CHEK2: variants seen among roughly 807,000 people sequenced by gnomAD.
CHEK2 encodes the protein serine/threonine-protein kinase Chk2.
Under a neutral mutation model 69.1 loss-of-function variants are expected in CHEK2, and 71 were observed. The observed-to-expected ratio is 1.03, with a 90% CI of 0.85 to 1.25. CHEK2 has a LOEUF of 1.25. Among genes scored for constraint, CHEK2 ranks in the 50% most tolerant of loss-of-function variants. The pLI is 0.00. For missense variants in CHEK2, 664 were observed against 649.6 expected, an observed-to-expected ratio of 1.02 and a Z score of -0.24; for synonymous variants, 189 against 226.9, an observed-to-expected ratio of 0.83 and a Z score of 1.50.
At chr22:28,737,195 T>A (rs1245365281) in intron 1 of CHEK2, 2 of 447,436 alleles carry the variant, frequency 4.5e-6, no homozygotes, top group Non-Finnish European at 9.0e-6. Flanking sequence ...CAGAACCCTA[T>A]ATAAATTATG....
At chr22:28,736,406 A>G (rs541983419) in intron 1 of CHEK2, among the ~76,000 whole-genome samples, 18 of 152,274 alleles carry the variant, frequency 1.2e-4, no homozygotes, top group African/African-American at 4.3e-4. Flanking sequence ...TGTTCGTTCA[A>G]TCTATATTCC....
chr22:28,715,854 TTTC>T (rs2053568512), intron 5 of CHEK2, among the ~76,000 whole-genome samples: 3 of 151,934 alleles, frequency 2.0e-5, no homozygotes, highest in South Asian at 2.1e-4. Flanking sequence ...ATTCCATACA[TTTC>T]TTCTTCTTTT....
intron 13 of CHEK2, among the ~76,000 whole-genome samples, chr22:28,693,302 A>G (rs1173672882): frequency 6.6e-6 from 1 of 152,172 alleles, no homozygotes; most frequent in African/African-American, 2.4e-5. Flanking sequence ...CCCTAGCAGG[A>G]GCACAGCGGT....
intron 4 of CHEK2, among the ~76,000 whole-genome samples, chr22:28,722,560 GAAAAGA>G (rs2053836927): frequency 7.7e-6 from 1 of 129,084 alleles, no homozygotes; most frequent in African/African-American, 3.0e-5. Flanking sequence ...AAAAAAAAAA[GAAAAGA>G]AAAGAAAAGA....
chr22:28,691,261 C>T (rs1339739898), intron 13 of CHEK2, among the ~76,000 whole-genome samples: 1 of 152,144 alleles, frequency 6.6e-6, no homozygotes, highest in Non-Finnish European at 1.5e-5. Context: ...GGGTAGATAA[C>T]CTGAGGTCAG....
At chr22:28,737,293 T>A (rs755824295) in intron 1 of CHEK2, 2 of 478,460 alleles carry the variant, frequency 4.2e-6, no homozygotes. Context: ...TACAAATTTT[T>A]TTATTTCCAT....
intron 5 of CHEK2, 90 bp from the exon 6 acceptor site, chr22:28,712,107 C>G: frequency 2.2e-6 from 2 of 913,236 alleles, no homozygotes; most frequent in Non-Finnish European, 3.6e-6. Flanking sequence ...TTAGAATTTA[C>G]AGACATTCCA....
At position 28,725,956 on chromosome 22, in the gene CHEK2, G is replaced by C. The variant is rs558771993; in HGVS notation, c.320-589C>G. 1.3e-4 allele frequency among the ~76,000 whole-genome samples: 19 copies of C among 149,420 alleles called. No individual in the cohort carries two copies. In the East Asian group the frequency reaches 3.7e-3, roughly 29 times the overall value. ...GTGGTGGCTCATGCCTGTAATCCCA[G>C]CACTTTGGGAGGCTGAGACGAATGG... On this transcript the variant is annotated intron_variant, in intron 2 of 14. Coordinates refer to ENST00000404276, the MANE Select transcript of CHEK2 (RefSeq NM_007194.4).
At chr22:28,699,662 A>T in intron 9 of CHEK2, 176 bp downstream of exon 9, 1 of 640,628 alleles carries the variant, frequency 1.6e-6, no homozygotes, top group Non-Finnish European at 2.8e-6. Flanking sequence ...GCGCCTCGCC[A>T]GTGAGAGCTT....
At chr22:28,697,140 A>G (rs1444140501) in intron 9 of CHEK2, among the ~76,000 whole-genome samples, 153 bp from the exon 10 acceptor site, 4 of 152,204 alleles carry the variant, frequency 2.6e-5, no homozygotes, top group Non-Finnish European at 4.4e-5. Flanking sequence ...CTGTTGGGGT[A>G]AAGTTTACAA....
intron 9 of CHEK2, among the ~76,000 whole-genome samples, chr22:28,698,770 G>A (rs16986587): frequency 0.011 from 1,713 of 152,122 alleles, 24 homozygotes; most frequent in African/African-American, 0.036. Flanking sequence ...ATTCCCTGCC[G>A]GCCCGCCCAC....
Position 28,687,811 on chromosome 22 carries a change from T to C in CHEK2, c.*86A>G, listed in dbSNP as rs1171078673. 18 of 1,081,952 alleles carry C rather than the reference T, an allele frequency of 1.7e-5. No individual in the cohort carries two copies. Among genetic ancestry groups the C allele is most frequent in the Admixed American group, 3.8e-5 (2 of 52,196 alleles). The allele number at this position is 1,081,952 out of a possible 1,614,324, so 67.0% of individuals were successfully genotyped here. A position where few individuals can be genotyped will look rare whatever the true frequency, so the allele number is the denominator to read the frequency against. On this transcript the variant is annotated 3_prime_UTR_variant, in exon 15 of 15. Coordinates refer to ENST00000404276, the MANE Select transcript of CHEK2 (RefSeq NM_007194.4). ...AAAGCAATTATTCCCATAATTAAAA[T>C]ACAAACTATAAAAAAACAGACTCAA...
rs185648867 is a variant in CHEK2, at chr22:28,738,295, G to A, written c.-7+3474C>T. Reference sequence around the variant, plus strand: ...CCAAAACTGAGTATGCCACACCAGGGACTGCTGGTCTAATACTACCTGAGC... The same window carrying A: ...CCAAAACTGAGTATGCCACACCAGGAACTGCTGGTCTAATACTACCTGAGC... On this transcript the variant is annotated intron_variant, in intron 1 of 14. Coordinates refer to ENST00000404276, the MANE Select transcript of CHEK2 (RefSeq NM_007194.4). Among the ~76,000 whole-genome samples the A allele has an allele frequency of 8.4e-4, 128 of 152,248 alleles. 1 individual carries two copies. The highest frequency in any genetic ancestry group is 2.8e-3 in the African/African-American group (116 of 41,532).
At chr22:28,740,155 C>T (rs1362887015) in intron 1 of CHEK2, among the ~76,000 whole-genome samples, 1 of 152,158 alleles carries the variant, frequency 6.6e-6, no homozygotes, top group Non-Finnish European at 1.5e-5. Context: ...GAGCCGAGAT[C>T]GCACCACTGC....
At position 28,725,041 on chromosome 22, in the gene CHEK2, C is replaced by G. The variant is rs587780889; in HGVS notation, c.528G>C (p.Gly176=). The change falls in exon 4 of 15, where the codon GGG becomes GGC. Residue 176 remains glycine, a synonymous_variant. Coordinates refer to ENST00000404276, the MANE Select transcript of CHEK2 (RefSeq NM_007194.4). ...TATTCAAAGGACGGCGTTTTCCTTT[C>G]CCTACAAGCTCTGTATTTACAAAGG... ...NGTFVNTELV[G]KGKRRPLNNN... 15 of 1,613,992 alleles carry G rather than the reference C, an allele frequency of 9.3e-6. No individual in the cohort carries two copies. The highest frequency in any genetic ancestry group is 1.3e-5 in the Non-Finnish European group (15 of 1,180,010).
At chr22:28,712,167 C>A in intron 5 of CHEK2, 150 bp from the exon 6 acceptor site, 1 of 673,426 alleles carries the variant, frequency 1.5e-6, no homozygotes. Flanking sequence ...AGTGAAACTT[C>A]ACCAGTGTAA....
chr22:28,734,011 T>C lies in CHEK2; in HGVS notation c.319+392A>G, dbSNP rs5762762. On this transcript the variant is annotated intron_variant, in intron 2 of 14. Coordinates refer to ENST00000404276, the MANE Select transcript of CHEK2 (RefSeq NM_007194.4). ...TGATCCGTCCATTCTAGGACCTTCATTTGCATAAGGCGTCAATCCACACCA... is the reference window on the plus strand; with the variant it reads ...TGATCCGTCCATTCTAGGACCTTCACTTGCATAAGGCGTCAATCCACACCA... Among the ~76,000 whole-genome samples the C allele has an allele frequency of 2.6e-5, 4 of 152,178 alleles. No individual in the cohort carries two copies. In the East Asian group the frequency reaches 7.7e-4, roughly 29 times the overall value.
At chr22:28,726,555 CTAAA>C (rs1359719314) in intron 2 of CHEK2, among the ~76,000 whole-genome samples, 2 of 143,520 alleles carry the variant, frequency 1.4e-5, no homozygotes, top group Non-Finnish European at 3.0e-5. Flanking sequence ...GTAATTATAT[CTAAA>C]TATATAATAA....
intron 2 of CHEK2, 40 bp downstream of exon 2, chr22:28,734,363 T>G: frequency 6.2e-7 from 1 of 1,600,906 alleles, no homozygotes; most frequent in Non-Finnish European, 8.6e-7. Flanking sequence ...GTAAGTGTTT[T>G]TCTGAACAAA....
Sources: gnomAD v4.1 joint callset for allele counts (sites outside exome capture counted in the v4.1 genomes callset) on GRCh38, gnomAD v4.1.1 for gene constraint, MANE v1.5 for transcripts, NCBI Gene and HGNC (gene_info 2026-07-23, HGNC 2026-07-21) for gene names.